Variants in PPP4R2 observed in about 807,000 individuals in gnomAD.
The protein encoded by PPP4R2 is serine/threonine-protein phosphatase 4 regulatory subunit 2.
In PPP4R2, 13 loss-of-function variants were observed where a neutral mutation model predicts 47.2. That is an observed-to-expected ratio of 0.28 (90% CI 0.18 to 0.44). The LOEUF is 0.44. PPP4R2 is among the 20% of genes least tolerant of loss of function. The pLI is 1.00. For missense variants in PPP4R2, 421 were observed against 491.2 expected (o/e 0.86, Z 1.35); for synonymous variants, 151 against 163.3 (o/e 0.92, Z 0.57).
At chr3:73,030,492 A>T (rs1702147515) in intron 2 of PPP4R2, among the ~76,000 whole-genome samples, 1 of 152,124 alleles carries the variant, frequency 6.6e-6, no homozygotes, top group Non-Finnish European at 1.5e-5. Context: ...AATGAAATAG[A>T]CTGGGGATAA....
At chr3:73,011,681 T>C (rs970890947) in intron 2 of PPP4R2, among the ~76,000 whole-genome samples, 2 of 152,168 alleles carry the variant, frequency 1.3e-5, no homozygotes, top group African/African-American at 4.8e-5. Flanking sequence ...ATTTTGACTA[T>C]TTTCCAGTCA....
At chr3:73,048,312 G>A (rs1195328063) in intron 3 of PPP4R2, among the ~76,000 whole-genome samples, 1 of 152,188 alleles carries the variant, frequency 6.6e-6, no homozygotes, top group African/African-American at 2.4e-5. Context: ...GAGTGCAGTG[G>A]CATGATCTCG....
intron 2 of PPP4R2, among the ~76,000 whole-genome samples, chr3:73,017,231 A>T (rs1258338032): frequency 6.6e-6 from 1 of 152,090 alleles, no homozygotes; most frequent in Non-Finnish European, 1.5e-5. Flanking sequence ...GTCATTCTTC[A>T]TATCTGTGGG....
At chr3:73,042,631 G>C (rs905995735) in intron 2 of PPP4R2, among the ~76,000 whole-genome samples, 4 of 151,860 alleles carry the variant, frequency 2.6e-5, no homozygotes, top group Admixed American at 2.0e-4. Context: ...CCAAAGTGCT[G>C]GGATTACATC....
At chr3:73,011,348 G>T (rs1575843571) in intron 2 of PPP4R2, among the ~76,000 whole-genome samples, 2 of 152,288 alleles carry the variant, frequency 1.3e-5, no homozygotes, top group East Asian at 1.9e-4. Flanking sequence ...GGGCATGGTG[G>T]CAGGCGCTTT....
At chr3:73,026,621 C>G (rs1236584316) in intron 2 of PPP4R2, among the ~76,000 whole-genome samples, 1 of 152,082 alleles carries the variant, frequency 6.6e-6, no homozygotes, top group African/African-American at 2.4e-5. Context: ...AGCCCGCAGG[C>G]TGCATGCAGC....
At chr3:73,007,347 G>T (rs9310255) in intron 2 of PPP4R2, among the ~76,000 whole-genome samples, 80,354 of 152,008 alleles carry the variant, frequency 0.53, 21,623 homozygotes, top group African/African-American at 0.62. Context: ...AATAAAAGGT[G>T]GTTTAAAAGT....
chr3:72,999,307 T>G (rs1382142683), intron 2 of PPP4R2, among the ~76,000 whole-genome samples: 2 of 152,218 alleles, frequency 1.3e-5, no homozygotes, highest in Non-Finnish European at 2.9e-5. Flanking sequence ...CATCTTGATT[T>G]AGAACAATGT....
At chr3:73,002,606 TTTCTTTTC>T (rs1701493205) in intron 2 of PPP4R2, among the ~76,000 whole-genome samples, 1 of 88,052 alleles carries the variant, frequency 1.1e-5, no homozygotes, top group African/African-American at 5.0e-5. Context: ...CACAGGGATT[TTTCTTTTC>T]TTTTCTTTTC....
chr3:73,035,446 A>G (rs1264648063), intron 2 of PPP4R2, among the ~76,000 whole-genome samples: 3 of 152,164 alleles, frequency 2.0e-5, no homozygotes, highest in Non-Finnish European at 4.4e-5. Flanking sequence ...GGGTGCAGAA[A>G]AAGGGAAACA....
At chr3:73,063,154 A>G (rs1193185851) in intron 5 of PPP4R2, 2 of 482,336 alleles carry the variant, frequency 4.1e-6, no homozygotes, top group Non-Finnish European at 7.6e-6. Flanking sequence ...GGCCAAGATG[A>G]GCAACCCCAC....
chr3:73,023,826 G>A lies in PPP4R2; in HGVS notation c.117-23360G>A, dbSNP rs1012339874. On this transcript the variant is annotated intron_variant, in intron 2 of 8. Transcript: ENST00000356692. The stretch of plus-strand genomic sequence containing the variant: ...AGTATACTTGAGCAAACCTTTGTAT[G>A]TTAAGGAATTAAATTCAGATTTTTC... Among the ~76,000 whole-genome samples the A allele has an allele frequency of 8.5e-5, 13 of 152,216 alleles. 1 individual carries two copies. Among genetic ancestry groups the A allele is most frequent in the African/African-American group, 3.1e-4 (13 of 41,558 alleles).
At chr3:73,035,929 TAATA>T (rs1466478074) in intron 2 of PPP4R2, among the ~76,000 whole-genome samples, 1 of 152,354 alleles carries the variant, frequency 6.6e-6, no homozygotes, top group Admixed American at 6.5e-5. Context: ...ACCTGCACTT[TAATA>T]TTTATTGCAG....
In PPP4R2 at chr3:73,064,861, G is replaced by C; in HGVS notation, c.648G>C (p.Ser216=). ...QNEEKNHSDS[S]TSESEVSSVS... ...AAAAAAACATTTACAGTGACTCTTC[G>C]ACCTCTGAATCAGAAGTTTCCTCAG... Residue 216 remains serine, a synonymous_variant, in exon 8 of 9, where the codon TCG becomes TCC. Coordinates refer to ENST00000356692, the MANE Select transcript of PPP4R2 (RefSeq NM_174907.4). 5.6e-6 allele frequency: 9 copies of C among 1,602,506 alleles called. No individual in the cohort carries two copies. The highest frequency in any genetic ancestry group is 7.7e-6 in the Non-Finnish European group (9 of 1,175,958).
chr3:73,060,810 T>A (rs900655976), intron 4 of PPP4R2, among the ~76,000 whole-genome samples: 3 of 151,958 alleles, frequency 2.0e-5, no homozygotes, highest in African/African-American at 7.2e-5. Context: ...AAAAAAAAAA[T>A]TAGTGGCTGA....
At chr3:73,041,055 C>T (rs1702368677) in intron 2 of PPP4R2, among the ~76,000 whole-genome samples, 1 of 152,080 alleles carries the variant, frequency 6.6e-6, no homozygotes, top group Non-Finnish European at 1.5e-5. Context: ...AATGGCTGTA[C>T]TATTAATGTA....
In PPP4R2 at chr3:73,043,362, G is replaced by A. The variant is rs192277401; in HGVS notation, c.117-3824G>A. 2.4e-3 allele frequency among the ~76,000 whole-genome samples: 367 copies of A among 152,086 alleles called. 1 individual carries two copies. Among genetic ancestry groups the A allele is most frequent in the African/African-American group, 7.5e-3 (311 of 41,484 alleles). On this transcript the variant is annotated intron_variant, in intron 2 of 8. Transcript: ENST00000356692. ...AATTCCCCTTTCTAAAATAGGATAGGGAAAGGTGGAAAAAACTAATCATGC... is the reference window on the plus strand; with the variant it reads ...AATTCCCCTTTCTAAAATAGGATAGAGAAAGGTGGAAAAAACTAATCATGC...
intron 4 of PPP4R2, 115 bp downstream of exon 4, chr3:73,059,245 C>T: frequency 3.5e-6 from 2 of 573,118 alleles, no homozygotes; most frequent in Non-Finnish European, 5.9e-6. Context: ...TGTTTTTCAG[C>T]CTACCTTGAG....
chr3:73,035,869 G>T (rs1454297395), intron 2 of PPP4R2, among the ~76,000 whole-genome samples: 1 of 152,044 alleles, frequency 6.6e-6, no homozygotes, highest in Non-Finnish European at 1.5e-5. Context: ...GCCCACCTCT[G>T]CCTCCCAAAG....
Sources: gnomAD v4.1 joint callset for allele counts (sites outside exome capture counted in the v4.1 genomes callset) on GRCh38, gnomAD v4.1.1 for gene constraint, MANE v1.5 for transcripts, NCBI Gene and HGNC (gene_info 2026-07-23, HGNC 2026-07-21) for gene names.